Variants in GPR161 observed in about 807,000 individuals in gnomAD.
The protein encoded by GPR161 is G-protein coupled receptor RE2.
Under a neutral mutation model 39.2 loss-of-function variants are expected in GPR161, and 25 were observed. The ratio of observed to expected loss-of-function variants is 0.64; its 90% CI spans 0.47 to 0.89. GPR161 has a LOEUF of 0.89. Among genes scored for constraint, GPR161 ranks in the 40% least tolerant of loss-of-function variants. GPR161 has a pLI of 0.00. For missense variants in GPR161, 547 were observed against 677.8 expected (o/e 0.81, Z 2.14); for synonymous variants, 286 against 276.6 (o/e 1.03, Z -0.34).
chr1:168,112,941 A>G (rs1697342609), intron 1 of GPR161, among the ~76,000 whole-genome samples: 1 of 152,220 alleles, frequency 6.6e-6, no homozygotes, highest in South Asian at 2.1e-4. Flanking sequence ...ATTCCCCAGA[A>G]GACAGAGGAG....
intron 2 of GPR161, among the ~76,000 whole-genome samples, chr1:168,104,273 TATA>T (rs1267538161): frequency 6.6e-6 from 1 of 152,148 alleles, no homozygotes; most frequent in Non-Finnish European, 1.5e-5. Flanking sequence ...CTTTTTAAAA[TATA>T]ATATTGTATG....
At chr1:168,120,258 G>A (rs1185102216) in intron 1 of GPR161, among the ~76,000 whole-genome samples, 1 of 152,200 alleles carries the variant, frequency 6.6e-6, no homozygotes, top group Non-Finnish European at 1.5e-5. Flanking sequence ...TAGAGTCAAA[G>A]GAGATTTTGG....
chr1:168,117,319 A>G (rs1697715625), intron 1 of GPR161, among the ~76,000 whole-genome samples: 2 of 152,248 alleles, frequency 1.3e-5, no homozygotes, highest in African/African-American at 4.8e-5. Context: ...ATGACATACT[A>G]TTACACACAT....
At chr1:168,137,162 T>C (rs1572409585), upstream of GPR161, 1 of 1,385,870 alleles carries the variant, frequency 7.2e-7, no homozygotes, top group East Asian at 2.7e-5. Flanking sequence ...GTCTCGCCCT[T>C]ACCCTCTCGG....
intron 1 of GPR161, among the ~76,000 whole-genome samples, chr1:168,107,129 A>G (rs1020702067): frequency 1.3e-5 from 2 of 152,324 alleles, no homozygotes; most frequent in Middle Eastern, 3.4e-3. Flanking sequence ...GAATCATTAG[A>G]CAAATGAAAT....
At chr1:168,137,165 C>T (rs1322571239), upstream of GPR161, 1 of 1,391,604 alleles carries the variant, frequency 7.2e-7, no homozygotes, top group East Asian at 2.7e-5. Context: ...TCGCCCTTAC[C>T]CTCTCGGCTC....
intron 1 of GPR161, chr1:168,136,498 G>C (rs1209908016): frequency 1.6e-6 from 2 of 1,260,304 alleles, no homozygotes; most frequent in African/African-American, 3.1e-5. Context: ...CCGCAGGGGA[G>C]GGGCGCGCCC....
At chr1:168,114,538 C>T (rs1456291964) in intron 1 of GPR161, 1 of 150,542 alleles carries the variant, frequency 6.6e-6, no homozygotes, top group Non-Finnish European at 1.5e-5. Flanking sequence ...GCCTAAGCAA[C>T]AGGGTGAGAC....
At chr1:168,126,513 G>A (rs1046322285) in intron 1 of GPR161, among the ~76,000 whole-genome samples, 2 of 152,026 alleles carry the variant, frequency 1.3e-5, no homozygotes, top group Admixed American at 6.5e-5. Context: ...GTGCAGTGGC[G>A]TGATCACAGC....
chr1:168,113,023 C>T (rs1257888252), intron 1 of GPR161, among the ~76,000 whole-genome samples: 4 of 152,256 alleles, frequency 2.6e-5, no homozygotes, highest in South Asian at 4.1e-4. Flanking sequence ...TCTGGAGTAG[C>T]GAAGGCACAA....
intron 1 of GPR161, among the ~76,000 whole-genome samples, chr1:168,120,684 T>C (rs1000725914): frequency 6.6e-6 from 1 of 152,114 alleles, no homozygotes; most frequent in African/African-American, 2.4e-5. Context: ...GGCGATTGGA[T>C]CATGGAGGCG....
chr1:168,137,405 C>A, upstream of GPR161: 2 of 1,535,582 alleles, frequency 1.3e-6, no homozygotes, highest in Non-Finnish European at 1.7e-6. Flanking sequence ...ATTCATCCAG[C>A]CGACGGGCAC....
intron 1 of GPR161, among the ~76,000 whole-genome samples, chr1:168,122,845 GTTC>G (rs970690574): frequency 1.3e-5 from 2 of 152,054 alleles, no homozygotes; most frequent in Non-Finnish European, 2.9e-5. Context: ...ACATGTGTGT[GTTC>G]TTATTTATCT....
At chr1:168,108,890 C>T (rs542262346) in intron 1 of GPR161, among the ~76,000 whole-genome samples, 1 of 152,184 alleles carries the variant, frequency 6.6e-6, no homozygotes, top group Admixed American at 6.5e-5. Context: ...TGTATAAATG[C>T]TTTTGTTTGA....
chr1:168,097,262 G>T (rs1695648695), intron 2 of GPR161, 30 bp from the exon 3 acceptor site: 3 of 1,584,976 alleles, frequency 1.9e-6, no homozygotes, highest in African/African-American at 2.7e-5. Context: ...AGGCAAGAGA[G>T]AGAAGTCAGC....
chr1:168,113,487 T>C (rs1697388871), intron 1 of GPR161, among the ~76,000 whole-genome samples: 1 of 152,194 alleles, frequency 6.6e-6, no homozygotes, highest in Admixed American at 6.5e-5. Flanking sequence ...AAATAGTAAA[T>C]TGTCTGCTGG....
At chr1:168,126,995 T>A (rs1033191110) in intron 1 of GPR161, among the ~76,000 whole-genome samples, 2 of 152,148 alleles carry the variant, frequency 1.3e-5, no homozygotes, top group Non-Finnish European at 2.9e-5. Flanking sequence ...TCTTAATCTC[T>A]CTGAGACTCA....
At chr1:168,119,822 G>T (rs969268908) in intron 1 of GPR161, among the ~76,000 whole-genome samples, 9 of 152,152 alleles carry the variant, frequency 5.9e-5, no homozygotes, top group Non-Finnish European at 1.5e-5. Context: ...GCCCCAAGCC[G>T]TGGCAGCTTC....
intron 1 of GPR161, chr1:168,114,677 A>G (rs190642548): frequency 3.4e-4 from 52 of 152,264 alleles, no homozygotes; most frequent in African/African-American, 1.2e-3. Context: ...TGTCTGTAAA[A>G]TGAGTATCAT....
Sources: gnomAD v4.1 joint callset for allele counts (sites outside exome capture counted in the v4.1 genomes callset) on GRCh38, gnomAD v4.1.1 for gene constraint, MANE v1.5 for transcripts, NCBI Gene and HGNC (gene_info 2026-07-23, HGNC 2026-07-21) for gene names.